The following ISLR2 variants were observed in gnomAD, a reference collection of about 807,000 sequenced individuals.
ISLR2 encodes immunoglobulin superfamily containing leucine-rich repeat protein 2.
Under a neutral mutation model 25.5 loss-of-function variants are expected in ISLR2, and 16 were observed. That is an observed-to-expected ratio of 0.63 (90% CI 0.43 to 0.95). The LOEUF (loss-of-function observed/expected upper bound fraction) is 0.95. Among genes scored for constraint, ISLR2 ranks in the 40% least tolerant of loss-of-function variants. The pLI is 0.00. For synonymous variants in ISLR2, 508 were observed against 486.6 expected, an observed-to-expected ratio of 1.04 and a Z score of -0.58; for missense variants, 883 against 1,030.7, an observed-to-expected ratio of 0.86 and a Z score of 1.96.
chr15:74,116,303 G>A (rs1424733179), intron 2 of ISLR2, among the ~76,000 whole-genome samples: 1 of 150,742 alleles, frequency 6.6e-6, no homozygotes, highest in Non-Finnish European at 1.5e-5. Context: ...GCTCACGCCT[G>A]TAATCATGCC....
At chr15:74,114,845 C>T (rs1048849679) in intron 2 of ISLR2, among the ~76,000 whole-genome samples, 8 of 151,984 alleles carry the variant, frequency 5.3e-5, no homozygotes, top group African/African-American at 1.9e-4. Flanking sequence ...CTTACAGGCT[C>T]CAATGCAGGG....
rs758403131 is a variant in ISLR2 at position 74,134,448 on chromosome 15, CCG to C, written c.1695_1696del (p.Cys567ProfsTer52). ...GGCCTGCGGCCGGGTACCAACTACT[CCG>C]TGTGCCTGGCGCTGGCGGGCGAAGC... On this transcript the variant is annotated frameshift_variant, in exon 3 of 3. Transcript: ENST00000453268. LOFTEE classifies it high-confidence loss of function. The C allele has an allele frequency of 1.2e-6, 2 of 1,613,058 alleles. No homozygotes were observed. Among genetic ancestry groups the C allele is most frequent in the Non-Finnish European group, 1.7e-6 (2 of 1,179,928 alleles).
chr15:74,122,684 T>C (rs949524340), intron 2 of ISLR2, among the ~76,000 whole-genome samples: 2 of 152,154 alleles, frequency 1.3e-5, no homozygotes, highest in African/African-American at 4.8e-5. Flanking sequence ...CTTTCAAGAG[T>C]AAATGAAAAC....
chr15:74,123,093 C>A (rs979286461), intron 2 of ISLR2, among the ~76,000 whole-genome samples: 1 of 152,116 alleles, frequency 6.6e-6, no homozygotes, highest in African/African-American at 2.4e-5. Context: ...TAGCAGTGCC[C>A]CAACCGCCCC....
At chr15:74,139,768 T>G (rs1164733489), downstream of ISLR2, among the ~76,000 whole-genome samples, 1 of 152,190 alleles carries the variant, frequency 6.6e-6, no homozygotes, top group African/African-American at 2.4e-5. Context: ...CTTTCCTGTA[T>G]GCTTCATGTG....
In ISLR2 at chr15:74,134,138, G is replaced by A. The variant is rs550976984; in HGVS notation, c.1384G>A (p.Gly462Arg). The A allele has an allele frequency of 4.3e-6, 7 of 1,613,520 alleles. No homozygotes were observed. The South Asian group carries it at 6.6e-5, about 15-fold the overall frequency. Residue 462 changes from glycine (G) to arginine (R), a missense_variant, in exon 3 of 3, where the codon GGG becomes AGG. Transcript: ENST00000453268. ...DPAEEQRCGN[G>R]DPSRYVSNHA... Reference sequence around the variant, plus strand: ...GGCGGAGGAGCAGCGCTGTGGCAACGGGGACCCCTCTCGGTACGTTTCTAA... The same window carrying A: ...GGCGGAGGAGCAGCGCTGTGGCAACAGGGACCCCTCTCGGTACGTTTCTAA...
At chr15:74,118,263 A>C (rs985309019) in intron 2 of ISLR2, among the ~76,000 whole-genome samples, 2 of 152,086 alleles carry the variant, frequency 1.3e-5, no homozygotes, top group African/African-American at 4.8e-5. Flanking sequence ...TCAAAAGGGG[A>C]GGGAGTGTAC....
Position 74,133,324 on chromosome 15 carries a change from G to A in ISLR2, c.570G>A (p.Val190=), listed in dbSNP as rs1323745095. The change falls in exon 3 of 3, where the codon GTG becomes GTA. Residue 190 remains valine, a synonymous_variant. Coordinates refer to ENST00000453268, the MANE Select transcript of ISLR2 (RefSeq NM_020851.3). ...CCTTCCACTGCGGCTGCGGCCTTGT[G>A]TGGCTGCAGGCCTGGGCCGCGAGCA... is the stretch of plus-strand genomic sequence containing the variant. ...HNPFHCGCGL[V]WLQAWAASTR... is the part of the protein sequence containing the mutation. The A allele has an allele frequency of 6.2e-7, 1 of 1,609,736 alleles. No homozygotes were observed. The highest frequency in any genetic ancestry group is 8.5e-7 in the Non-Finnish European group (1 of 1,179,864).
chr15:74,104,007 A>C (rs1029876454), intron 2 of ISLR2: 1 of 152,152 alleles, frequency 6.6e-6, no homozygotes, highest in Non-Finnish European at 1.5e-5. Flanking sequence ...GTATTTCTTC[A>C]TAGCAGCATG....
In ISLR2 at chr15:74,120,905, A is replaced by C. The variant is rs2072247999; in HGVS notation, n.229-10302A>C. ...GTGCTGACTCCCAGAATGCACTAGAAAGCAGTCTGCTTCTTCCCTTCCTGC... is the reference window on the plus strand; with the variant it reads ...GTGCTGACTCCCAGAATGCACTAGACAGCAGTCTGCTTCTTCCCTTCCTGC... On this transcript the variant is annotated intron_variant and non_coding_transcript_variant, in intron 2 of 3. Transcript: ENST00000561975. 2.0e-5 allele frequency among the ~76,000 whole-genome samples: 3 copies of C among 152,006 alleles called. 1 individual carries two copies. In the South Asian group the frequency reaches 6.2e-4, roughly 32 times the overall value.
At chr15:74,120,338 T>A (rs1269770508) in intron 2 of ISLR2, among the ~76,000 whole-genome samples, 1 of 151,988 alleles carries the variant, frequency 6.6e-6, no homozygotes, top group Admixed American at 6.6e-5. Context: ...CTGGCCAACA[T>A]GGTGAAGCTC....
At chr15:74,101,942 C>T (rs1202024546) in intron 1 of ISLR2, among the ~76,000 whole-genome samples, 32 of 101,794 alleles carry the variant, frequency 3.1e-4, no homozygotes, top group Non-Finnish European at 2.0e-4. Flanking sequence ...AAGCTGGGTG[C>T]GGTGGCTCAT....
In ISLR2 at chr15:74,135,073, T is replaced by C. The variant is rs1468548113; in HGVS notation, c.*81T>C. 2.0e-5 allele frequency: 30 copies of C among 1,513,950 alleles called. No individual in the cohort carries two copies. Among genetic ancestry groups the C allele is most frequent in the Non-Finnish European group, 2.5e-5 (28 of 1,116,344 alleles). 93.8% of individuals were successfully genotyped at this position (1,513,950 alleles called of 1,614,324 possible). A position where few individuals can be genotyped will look rare whatever the true frequency, so the allele number is the denominator to read the frequency against. ...AGCAGTCTAGGGCTGGCAGGACTTATGTCCCCCGTCCCCAACCTTCACCTA... is the reference window on the plus strand; with the variant it reads ...AGCAGTCTAGGGCTGGCAGGACTTACGTCCCCCGTCCCCAACCTTCACCTA... On this transcript the variant is annotated 3_prime_UTR_variant, in exon 3 of 3. Transcript: ENST00000453268.
downstream of ISLR2, among the ~76,000 whole-genome samples, chr15:74,139,935 T>G (rs2072602947): frequency 6.9e-6 from 1 of 144,388 alleles, no homozygotes; most frequent in African/African-American, 2.6e-5. Context: ...TGGAAAATGG[T>G]CGGAGAATGC....
chr15:74,105,978 C>T (rs1210203536), intron 2 of ISLR2, among the ~76,000 whole-genome samples: 1 of 152,050 alleles, frequency 6.6e-6, no homozygotes, highest in African/African-American at 2.4e-5. Context: ...TCTGTCTAGG[C>T]GCAAGATTCC....
chr15:74,126,050 A>G (rs1186200630), upstream of ISLR2: 1 of 152,166 alleles, frequency 6.6e-6, no homozygotes, highest in Admixed American at 6.5e-5. Flanking sequence ...ATAATAGTAA[A>G]TCTGGTTTCT....
chr15:74,129,134 A>G (rs1013454609), upstream of ISLR2: 5 of 447,484 alleles, frequency 1.1e-5, no homozygotes, highest in Non-Finnish European at 1.8e-5. The surrounding 1 kb of genome is among the most constrained non-coding windows in gnomAD (Gnocchi z 4.5). Context: ...GGCGGTGTGA[A>G]GTTCTGTGTT....
upstream of ISLR2, chr15:74,126,423 C>T (rs1485572999): frequency 3.5e-5 from 5 of 141,024 alleles, no homozygotes; most frequent in Admixed American, 2.9e-4. Flanking sequence ...GGCACTATCT[C>T]GGCTCACTGC....
intron 2 of ISLR2, among the ~76,000 whole-genome samples, chr15:74,108,107 G>C (rs191204778): frequency 6.6e-6 from 1 of 152,160 alleles, no homozygotes; most frequent in Non-Finnish European, 1.5e-5. Flanking sequence ...AGGGAGGGGC[G>C]GGGTCAGCCC....
Sources: gnomAD v4.1 joint callset for allele counts (sites outside exome capture counted in the v4.1 genomes callset) on GRCh38, gnomAD v4.1.1 for gene constraint, Gnocchi (gnomAD v3.1) non-coding constraint, MANE v1.5 for transcripts, NCBI Gene and HGNC (gene_info 2026-07-23, HGNC 2026-07-21) for gene names.